The following CNMD variants were observed in gnomAD, a reference collection of about 807,000 sequenced individuals.
CNMD encodes the protein leukocyte cell-derived chemotaxin 1.
A neutral mutation model predicts 37.5 loss-of-function variants in CNMD; 30 were observed. That is an observed-to-expected ratio of 0.80 (90% CI 0.60 to 1.09). The LOEUF (loss-of-function observed/expected upper bound fraction) is 1.09, where lower values mean the gene tolerates loss of function less well. CNMD is among the 50% of genes least tolerant of loss of function. CNMD has a pLI of 0.00. For missense variants in CNMD, 398 were observed against 423.9 expected (o/e 0.94, Z 0.54); for synonymous variants, 167 against 148.2 (o/e 1.13, Z -0.92).
chr13:52,736,771 G>A (rs1964774325), intron 2 of CNMD, among the ~76,000 whole-genome samples: 1 of 152,126 alleles, frequency 6.6e-6, no homozygotes, highest in Non-Finnish European at 1.5e-5. Context: ...ATAATGTTTG[G>A]GAAAATGTCT....
chr13:52,719,854 T>C (rs950217593), intron 4 of CNMD, among the ~76,000 whole-genome samples: 9 of 152,234 alleles, frequency 5.9e-5, no homozygotes, highest in Non-Finnish European at 1.3e-4. Context: ...CTGTATTTCC[T>C]GAATTTGAAT....
At chr13:52,714,997 ATTTTC>A (rs1414874820) in intron 4 of CNMD, among the ~76,000 whole-genome samples, 2 of 151,712 alleles carry the variant, frequency 1.3e-5, no homozygotes, top group Admixed American at 6.6e-5. Flanking sequence ...TCTTACACCT[ATTTTC>A]TTTTTTTATT....
At chr13:52,716,361 C>T (rs1027935447) in intron 4 of CNMD, among the ~76,000 whole-genome samples, 3 of 152,206 alleles carry the variant, frequency 2.0e-5, no homozygotes, top group Non-Finnish European at 2.9e-5. Context: ...AATTAGATCT[C>T]ATTTGTCAAT....
At position 52,703,774 on chromosome 13, in the gene CNMD, G is replaced by T. The variant is rs751332937; in HGVS notation, c.826C>A (p.Leu276Met). 6.2e-7 allele frequency: 1 copy of T among 1,613,674 alleles called. No homozygotes were observed. The highest frequency in any genetic ancestry group is 1.7e-5 in the Admixed American group (1 of 60,002). The change falls in exon 7 of 7, where the codon CTG becomes ATG. Residue 276 changes from leucine to methionine, a missense_variant. Physicochemically the swap from Leu to Met is conservative, Grantham distance 15 (BLOSUM62 2). Coordinates refer to ENST00000377962, the MANE Select transcript of CNMD (RefSeq NM_007015.3). ...ATACAACAGATTCCTTCGTGATCCA[G>T]TCTAGGGTCGAATGTCATGCTTTCC... Reference protein sequence around the residue: ...EGESMTFDPRLDHEGICCIEC... With the variant: ...EGESMTFDPRMDHEGICCIEC...
At chr13:52,710,791 T>G (rs1964279033) in intron 5 of CNMD, among the ~76,000 whole-genome samples, 1 of 152,204 alleles carries the variant, frequency 6.6e-6, no homozygotes. Context: ...GTGTAATTCT[T>G]GTATGGATGT....
At chr13:52,730,994 A>G (rs529714506) in intron 3 of CNMD, among the ~76,000 whole-genome samples, 1 of 152,138 alleles carries the variant, frequency 6.6e-6, no homozygotes, top group South Asian at 2.1e-4. Flanking sequence ...TCCTTCCCCA[A>G]GTTGGGCTGA....
chr13:52,716,955 C>T (rs1037043522), intron 4 of CNMD, among the ~76,000 whole-genome samples: 4 of 152,060 alleles, frequency 2.6e-5, no homozygotes, highest in Non-Finnish European at 4.4e-5. Context: ...GCCATTTTCA[C>T]GACATTGATT....
At chr13:52,706,053 T>C (rs879724223) in intron 6 of CNMD, among the ~76,000 whole-genome samples, 1 of 152,200 alleles carries the variant, frequency 6.6e-6, no homozygotes, top group African/African-American at 2.4e-5. Flanking sequence ...CTAGGAAATA[T>C]ATTTGCAACA....
intron 3 of CNMD, among the ~76,000 whole-genome samples, 178 bp from the exon 4 acceptor site, chr13:52,724,288 G>A (rs1185134743): frequency 2.0e-5 from 3 of 151,752 alleles, no homozygotes; most frequent in East Asian, 1.9e-4. Context: ...AAAAACAGCC[G>A]GGCGGCCTGG....
At position 52,708,635 on chromosome 13, in the gene CNMD, A is replaced by G; in HGVS notation, c.690T>C (p.Ser230=). Residue 230 remains serine (S), a synonymous_variant, in exon 6 of 7, where the codon AGT becomes AGC. Coordinates refer to ENST00000377962, the MANE Select transcript of CNMD (RefSeq NM_007015.3). ...CAGCGCCTGGGTTGCTCCGTGGTCC[A>G]CTGTGTGGTCTTTTTGTGGTAGTTG... The part of the protein sequence containing the change: ...IVPTTTKRPH[S]GPRSNPGAGR... 2 of 1,613,932 alleles carry G rather than the reference A, an allele frequency of 1.2e-6. No individual in the cohort carries two copies. The highest frequency in any genetic ancestry group is 2.2e-5 in the East Asian group (1 of 44,870).
Position 52,708,596 on chromosome 13 carries a change from A to C in CNMD, c.729T>G (p.Asn243Lys), listed in dbSNP as rs138407146. 7.9e-5 allele frequency: 128 copies of C among 1,613,982 alleles called. No homozygotes were observed. The African/African-American group carries it at 1.3e-3, about 17-fold the overall frequency. ...RSNPGAGRLN[N>K]ETRPSVQEDS... ...CCTCTTGAACACTGGGTCTGGTTTC[A>C]TTATTCAGTCTTCCAGCGCCTGGGT... Residue 243 changes from asparagine to lysine, a missense_variant, in exon 6 of 7, where the codon AAT (asparagine) becomes AAG (lysine). Coordinates refer to ENST00000377962, the MANE Select transcript of CNMD (RefSeq NM_007015.3).
At chr13:52,726,026 T>C (rs979991380) in intron 3 of CNMD, among the ~76,000 whole-genome samples, 3 of 152,206 alleles carry the variant, frequency 2.0e-5, no homozygotes, top group Non-Finnish European at 2.9e-5. Context: ...CATATGTAAC[T>C]CATTTCACCT....
chr13:52,738,593 G>T (rs560016338), intron 2 of CNMD, among the ~76,000 whole-genome samples: 3 of 152,176 alleles, frequency 2.0e-5, no homozygotes, highest in Admixed American at 6.5e-5. Context: ...TCTGAATATG[G>T]GTCTGAATAT....
chr13:52,704,760 G>A (rs940999924), intron 6 of CNMD, among the ~76,000 whole-genome samples: 2 of 152,020 alleles, frequency 1.3e-5, no homozygotes, highest in East Asian at 3.9e-4. Context: ...CGGGGAGTGG[G>A]GGGAGTTATT....
chr13:52,732,526 G>C (rs757456936), intron 3 of CNMD, among the ~76,000 whole-genome samples: 52 of 152,082 alleles, frequency 3.4e-4, no homozygotes, highest in Non-Finnish European at 5.7e-4. Flanking sequence ...AATATGCTAT[G>C]GTAACATGCT....
chr13:52,723,150 G>C (rs1453907294), intron 4 of CNMD, among the ~76,000 whole-genome samples: 1 of 152,072 alleles, frequency 6.6e-6, no homozygotes, highest in Non-Finnish European at 1.5e-5. Flanking sequence ...GGAGTGCACT[G>C]GTGCAATCTC....
At chr13:52,726,232 T>C (rs1456645807) in intron 3 of CNMD, among the ~76,000 whole-genome samples, 3 of 152,188 alleles carry the variant, frequency 2.0e-5, no homozygotes, top group Non-Finnish European at 4.4e-5. Flanking sequence ...GGCCCAGGTA[T>C]TGGGAGCCTT....
intron 3 of CNMD, among the ~76,000 whole-genome samples, chr13:52,726,808 G>A (rs1013989325): frequency 2.0e-5 from 3 of 151,942 alleles, no homozygotes; most frequent in African/African-American, 7.2e-5. Context: ...AAGAAGCTCC[G>A]TGAGATACAA....
At chr13:52,709,573 A>G (rs1313212246) in intron 5 of CNMD, among the ~76,000 whole-genome samples, 1 of 152,254 alleles carries the variant, frequency 6.6e-6, no homozygotes, top group Non-Finnish European at 1.5e-5. Flanking sequence ...TGACTTGGCC[A>G]AGATCACAGA....
Sources: allele counts gnomAD v4.1 joint callset (sites outside exome capture counted in the v4.1 genomes callset), GRCh38; gene constraint gnomAD v4.1.1; transcripts MANE v1.5; gene names NCBI Gene and HGNC (gene_info 2026-07-23, HGNC 2026-07-21).